Variants in OR10G7 observed in about 807,000 individuals in gnomAD.
OR10G7 encodes olfactory receptor 10G7.
For synonymous variants in OR10G7, 165 were observed against 167.4 expected, an observed-to-expected ratio of 0.99 and a Z score of 0.11; for missense variants, 338 against 382.1, an observed-to-expected ratio of 0.88 and a Z score of 0.96.
rs188316662 is a variant in OR10G7 at position 124,038,270 on chromosome 11, A to G, written c.732T>C (p.Cys244=). 121 of 1,613,988 alleles carry G rather than the reference A, an allele frequency of 7.5e-5. 1 individual carries two copies. The highest frequency in any genetic ancestry group is 2.7e-4 in the Admixed American group (16 of 60,026). The change falls in exon 2 of 2, where the codon TGT becomes TGC. Residue 244 remains cysteine, a synonymous_variant. Coordinates refer to ENST00000641585, the MANE Select transcript of OR10G7 (RefSeq NM_001004463.2). ...GGCCAAAGAAGCAAAGGACCACGAT[A>G]CAGTGGGAGGCACAGGTCTGAAAGG... The part of the protein sequence containing the change: ...HRAFQTCASH[C]IVVLCFFGPG...
chr11:124,037,807 A>T lies in OR10G7; in HGVS notation c.*259T>A, dbSNP rs1320841231. On this transcript the variant is annotated 3_prime_UTR_variant, in exon 2 of 2. Transcript: ENST00000641585. ...TGGAAAATATTTATATAAGAAAATAAATTACTTTTCTGATTACTTAATGGA... is the reference window on the plus strand; with the variant it reads ...TGGAAAATATTTATATAAGAAAATATATTACTTTTCTGATTACTTAATGGA... The T allele has an allele frequency of 4.0e-5, 9 of 227,062 alleles. No homozygotes were observed. Among genetic ancestry groups the T allele is most frequent in the African/African-American group, 2.0e-4 (9 of 44,058 alleles). The allele number at this position is 227,062 out of a possible 1,614,324, so 14.1% of individuals were successfully genotyped here.
At position 124,037,154 on chromosome 11, in the gene OR10G7, C is replaced by G. The variant is rs1324096068; in HGVS notation, c.*912G>C. ...TACCTACCCAGAGAGTGTACAGAGT[C>G]CATTTCATATACTTTAAGTCAAACA... On this transcript the variant is annotated 3_prime_UTR_variant, in exon 2 of 2. Coordinates refer to ENST00000641585, the MANE Select transcript of OR10G7 (RefSeq NM_001004463.2). The G allele has an allele frequency of 1.3e-5, 2 of 152,120 alleles. No individual in the cohort carries two copies. Among genetic ancestry groups the G allele is most frequent in the Admixed American group, 6.5e-5 (1 of 15,274 alleles). The allele number at this position is 152,120 out of a possible 1,614,324, so 9.4% of individuals were successfully genotyped here. A position where few individuals can be genotyped will look rare whatever the true frequency, so the allele number is the denominator to read the frequency against.
In OR10G7 at chr11:124,041,195, A is replaced by G. The variant is rs1402523715; in HGVS notation, c.-330T>C. 1 of 152,154 alleles carries G rather than the reference A, an allele frequency of 6.6e-6. No homozygotes were observed. Among genetic ancestry groups the G allele is most frequent in the East Asian group, 1.9e-4 (1 of 5,200 alleles). The allele number at this position is 152,154 out of a possible 1,614,324, so 9.4% of individuals were successfully genotyped here. ...AACCTTTTTATTTAGCCAAAAATCAACTTCCAAAATGAATAACTATGACAC... is the reference window on the plus strand; with the variant it reads ...AACCTTTTTATTTAGCCAAAAATCAGCTTCCAAAATGAATAACTATGACAC... On this transcript the variant is annotated 5_prime_UTR_variant, in exon 1 of 2. Transcript: ENST00000641585.
Position 124,037,374 on chromosome 11 carries a change from T to G in OR10G7, c.*692A>C, listed in dbSNP as rs991931764. On this transcript the variant is annotated 3_prime_UTR_variant, in exon 2 of 2. Coordinates refer to ENST00000641585, the MANE Select transcript of OR10G7 (RefSeq NM_001004463.2). ...TTTTAAAATTGCTGAAAATGGAAAC[T>G]TGCCATTGAGGATAAGAGATTGGCA... 3 of 151,358 alleles carry G rather than the reference T, an allele frequency of 2.0e-5. No individual in the cohort carries two copies. Among genetic ancestry groups the G allele is most frequent in the Non-Finnish European group, 4.4e-5 (3 of 68,028 alleles). The allele number at this position is 151,358 out of a possible 1,614,324, so 9.4% of individuals were successfully genotyped here. A position where few individuals can be genotyped will look rare whatever the true frequency, so the allele number is the denominator to read the frequency against.
chr11:124,038,931 G>A lies in OR10G7; in HGVS notation c.71C>T (p.Pro24Leu), dbSNP rs148218442. 1.5e-3 allele frequency: 2,339 copies of A among 1,610,238 alleles called. 49 individuals carry two copies. In the African/African-American group the frequency reaches 0.025, roughly 17 times the overall value. Residue 24 changes from proline (P) to leucine (L), a missense_variant, in exon 2 of 2, where the codon CCC becomes CTC. Pro to Leu is a moderately conservative substitution (Grantham distance 98). Transcript: ENST00000641585. ...AACCACCAGGAAGATTCCAAAGAGG[G>A]GGGCGTCCAGCCCTGGGGCATGGGG... ...GLPHAPGLDA[P>L]LFGIFLVVYV... is the part of the protein sequence containing the mutation.
chr11:124,040,645 T>C (rs778282164), intron 1 of OR10G7, among the ~76,000 whole-genome samples: 1 of 152,092 alleles, frequency 6.6e-6, no homozygotes, highest in South Asian at 2.1e-4. Context: ...AGAGTTGCAA[T>C]GCTAAGGTTT....
chr11:124,039,645 T>C (rs1442393123), intron 1 of OR10G7, among the ~76,000 whole-genome samples: 1 of 152,114 alleles, frequency 6.6e-6, no homozygotes, highest in Non-Finnish European at 1.5e-5. Context: ...TCTGTTCCTT[T>C]GTCTTACCCT....
intron 1 of OR10G7, 116 bp from the exon 2 acceptor site, chr11:124,039,137 A>G: frequency 1.8e-6 from 2 of 1,104,696 alleles, no homozygotes; most frequent in South Asian, 1.7e-5. Context: ...TTTATATTTT[A>G]TAACTTCCTT....
Position 124,038,420 on chromosome 11 carries a change from G to T in OR10G7, c.582C>A (p.Asn194Lys), listed in dbSNP as rs147011748. Residue 194 changes from asparagine (N) to lysine (K), a missense_variant, in exon 2 of 2, where the codon AAC (asparagine) becomes AAA (lysine). By Grantham distance (94) the Asn-to-Lys change is moderately conservative (BLOSUM62 0). Coordinates refer to ENST00000641585, the MANE Select transcript of OR10G7 (RefSeq NM_001004463.2). ...LKLACADTSA[N>K]EMVIFVNIGL... ...CAATATTCACAAAGATGACCATCTCGTTGGCTGAGGTGTCTGCACAGGCCA... is the reference window on the plus strand; with the variant it reads ...CAATATTCACAAAGATGACCATCTCTTTGGCTGAGGTGTCTGCACAGGCCA... 1.1e-4 allele frequency: 184 copies of T among 1,613,950 alleles called. No individual in the cohort carries two copies. The African/African-American group carries it at 1.9e-3, about 17-fold the overall frequency.
In OR10G7 at chr11:124,037,279, T is replaced by G. The variant is rs1175842084; in HGVS notation, c.*787A>C. ...ACTCTTAACAGTTTTTGACTGCATA[T>G]TTTTGTCTCTAAGATTATTTGATCA... On this transcript the variant is annotated 3_prime_UTR_variant, in exon 2 of 2. Coordinates refer to ENST00000641585, the MANE Select transcript of OR10G7 (RefSeq NM_001004463.2). The G allele has an allele frequency of 6.6e-6, 1 of 152,222 alleles. No individual in the cohort carries two copies. Among genetic ancestry groups the G allele is most frequent in the Non-Finnish European group, 1.5e-5 (1 of 68,034 alleles). 9.4% of individuals were successfully genotyped at this position (152,222 alleles called of 1,614,324 possible).
rs147004963 is a variant in OR10G7 at position 124,039,179 on chromosome 11, G to A, written c.-20-158C>T. 1.5e-3 allele frequency among the ~76,000 whole-genome samples: 235 copies of A among 152,168 alleles called. 3 individuals carry two copies. The highest frequency in any genetic ancestry group is 5.4e-3 in the African/African-American group (224 of 41,474). ...CAGTATAGGTCTTTGAAGAGGAATA[G>A]CACTTTCTTATTCCAGTACCAGAAT... On this transcript the variant is annotated intron_variant, in intron 1 of 1. Coordinates refer to ENST00000641585, the MANE Select transcript of OR10G7 (RefSeq NM_001004463.2).
chr11:124,039,047 T>G (rs746456749), intron 1 of OR10G7, 26 bp from the exon 2 acceptor site: 3 of 1,575,906 alleles, frequency 1.9e-6, no homozygotes, highest in Non-Finnish European at 2.6e-6. Flanking sequence ...GGAAGGGAGA[T>G]AGCATTTACT....
Position 124,036,062 on chromosome 11 carries a change from G to A in OR10G7, c.*2004C>T, listed in dbSNP as rs1445620878. 2.6e-5 allele frequency: 4 copies of A among 152,092 alleles called. No homozygotes were observed. The highest frequency in any genetic ancestry group is 1.9e-4 in the East Asian group (1 of 5,184). 9.4% of individuals were successfully genotyped at this position (152,092 alleles called of 1,614,324 possible). ...ATTTAACAAATACACACACATACAC[G>A]TGAGTAAAACTAGAAAAATCTGAAT... is the stretch of plus-strand genomic sequence containing the variant. On this transcript the variant is annotated 3_prime_UTR_variant, in exon 2 of 2. Coordinates refer to ENST00000641585, the MANE Select transcript of OR10G7 (RefSeq NM_001004463.2).
chr11:124,040,573 G>T (rs1290298112), intron 1 of OR10G7, among the ~76,000 whole-genome samples: 1 of 151,868 alleles, frequency 6.6e-6, no homozygotes. Flanking sequence ...TTTTGTGGGG[G>T]GGGCTCTGAC....
At position 124,038,381 on chromosome 11, in the gene OR10G7, C is replaced by T. The variant is rs201156002; in HGVS notation, c.621G>A (p.Ser207=). The change falls in exon 2 of 2, where the codon TCG becomes TCA. Residue 207 remains serine (S), a synonymous_variant. Coordinates refer to ENST00000641585, the MANE Select transcript of OR10G7 (RefSeq NM_001004463.2). ...VIFVNIGLVA[S]GCFVLIVLSY... ...ACAGCACTATCAGGACAAAGCAGCC[C>T]GAGGCCACTAGCCCAATATTCACAA... 9.6e-5 allele frequency: 155 copies of T among 1,613,994 alleles called. 2 individuals carry two copies. The highest frequency in any genetic ancestry group is 9.6e-4 in the East Asian group (43 of 44,846).
In OR10G7 at chr11:124,038,340, A is replaced by G; in HGVS notation, c.662T>C (p.Val221Ala). ...GGTGCGGATCCGCAGGATGGAACAG[A>G]CGATGGACACATAGGACAGCACTAT... ...VLIVLSYVSI[V>A]CSILRIRTSE... The change falls in exon 2 of 2, where the codon GTC (valine) becomes GCC (alanine). Residue 221 changes from valine (V) to alanine (A), a missense_variant. Transcript: ENST00000641585. The G allele has an allele frequency of 6.2e-7, 1 of 1,614,132 alleles. No individual in the cohort carries two copies. The highest frequency in any genetic ancestry group is 1.1e-5 in the South Asian group (1 of 91,082).
chr11:124,039,125 T>G (rs1864223961), intron 1 of OR10G7, 104 bp from the exon 2 acceptor site: 1 of 1,160,772 alleles, frequency 8.6e-7, no homozygotes, highest in African/African-American at 1.6e-5. Flanking sequence ...GTTAAATTAT[T>G]TTTTATATTT....
Position 124,038,691 on chromosome 11 carries a change from T to C in OR10G7, c.311A>G (p.His104Arg). 1 of 1,613,512 alleles carries C rather than the reference T, an allele frequency of 6.2e-7. No homozygotes were observed. ...HSCVAQLYFFHFLGSTECFLY... is the reference protein window; with the variant it reads ...HSCVAQLYFFRFLGSTECFLY... ...GAAACACTCGGTGCTCCCCAGGAAG[T>C]GGAAAAAATAGAGCTGAGCCACGCA... The change falls in exon 2 of 2, where the codon CAC (histidine) becomes CGC (arginine). Residue 104 changes from histidine to arginine, a missense_variant. His to Arg is a conservative substitution (Grantham distance 29). Coordinates refer to ENST00000641585, the MANE Select transcript of OR10G7 (RefSeq NM_001004463.2).
In OR10G7 at chr11:124,036,348, C is replaced by A. The variant is rs1260082502; in HGVS notation, c.*1718G>T. On this transcript the variant is annotated 3_prime_UTR_variant, in exon 2 of 2. Transcript: ENST00000641585. Reference sequence around the variant, plus strand: ...TACATATTGCCATAGTATTTTGAATCCTTTAGCATCTTTCCAAGTCAAAAC... The same window carrying A: ...TACATATTGCCATAGTATTTTGAATACTTTAGCATCTTTCCAAGTCAAAAC... The A allele has an allele frequency of 2.0e-5, 3 of 152,154 alleles. No individual in the cohort carries two copies. Among genetic ancestry groups the A allele is most frequent in the African/African-American group, 7.2e-5 (3 of 41,426 alleles). 9.4% of individuals were successfully genotyped at this position (152,154 alleles called of 1,614,324 possible).
Sources: allele counts gnomAD v4.1 joint callset (sites outside exome capture counted in the v4.1 genomes callset), GRCh38; gene constraint gnomAD v4.1.1; transcripts MANE v1.5; gene names NCBI Gene and HGNC (gene_info 2026-07-23, HGNC 2026-07-21).